EVI5: variants seen among roughly 807,000 people sequenced by gnomAD.
The protein encoded by EVI5 is ecotropic viral integration site 5.
In EVI5, 73 loss-of-function variants were observed where a neutral mutation model predicts 112.0. That is an observed-to-expected ratio of 0.65 (90% CI 0.54 to 0.79). The LOEUF is 0.79. EVI5 is among the 30% of genes least tolerant of loss of function. EVI5 has a pLI of 0.00. For synonymous variants in EVI5, 305 were observed against 319.9 expected (o/e 0.95, Z 0.50); for missense variants, 900 against 968.8 (o/e 0.93, Z 0.94).
chr1:92,522,416 T>C (rs1057503220), intron 19 of EVI5, among the ~76,000 whole-genome samples: 6 of 151,840 alleles, frequency 4.0e-5, no homozygotes, highest in Non-Finnish European at 7.4e-5. Context: ...GGCAGAAGGA[T>C]CACAAGGTCA....
intron 16 of EVI5, among the ~76,000 whole-genome samples, chr1:92,618,470 T>C (rs1653737754): frequency 6.6e-6 from 1 of 152,162 alleles, no homozygotes; most frequent in African/African-American, 2.4e-5. Context: ...ACTATCAAGA[T>C]GAAATCAGTC....
At chr1:92,526,572 C>T (rs1017283971) in intron 19 of EVI5, among the ~76,000 whole-genome samples, 5 of 152,086 alleles carry the variant, frequency 3.3e-5, no homozygotes, top group African/African-American at 1.2e-4. Flanking sequence ...ACCTTAAATG[C>T]ATATTGCAAA....
At chr1:92,641,906 G>T (rs1660052415) in intron 13 of EVI5, among the ~76,000 whole-genome samples, 1 of 152,200 alleles carries the variant, frequency 6.6e-6, no homozygotes, top group Non-Finnish European at 1.5e-5. Flanking sequence ...TTAGGAGGCT[G>T]AGGCGGGTGG....
intron 19 of EVI5, among the ~76,000 whole-genome samples, chr1:92,522,479 T>C (rs899218311): frequency 1.3e-5 from 2 of 151,518 alleles, no homozygotes; most frequent in Non-Finnish European, 2.9e-5. Context: ...CTACTAAAAA[T>C]ACAAAAATCA....
chr1:92,635,480 G>C (rs1169373793), intron 14 of EVI5, among the ~76,000 whole-genome samples: 2 of 152,208 alleles, frequency 1.3e-5, no homozygotes, highest in African/African-American at 4.8e-5. Flanking sequence ...CTCCGAGCCA[G>C]GCACAGGACA....
chr1:92,691,662 G>A (rs1007314691), intron 9 of EVI5, among the ~76,000 whole-genome samples: 4 of 152,074 alleles, frequency 2.6e-5, no homozygotes, highest in African/African-American at 4.8e-5. Flanking sequence ...CAGAGAGAGA[G>A]GTTGAAGATA....
intron 19 of EVI5, 80 bp downstream of exon 19, chr1:92,563,562 C>A: frequency 1.5e-6 from 1 of 678,446 alleles, no homozygotes; most frequent in East Asian, 2.7e-5. Context: ...AAGTGTCAGT[C>A]TTATAACCAG....
At chr1:92,542,760 T>G (rs1665038233) in intron 19 of EVI5, among the ~76,000 whole-genome samples, 1 of 152,212 alleles carries the variant, frequency 6.6e-6, no homozygotes, top group Admixed American at 6.5e-5. Flanking sequence ...AATGTTTCGT[T>G]AGCAGCATGA....
intron 18 of EVI5, among the ~76,000 whole-genome samples, chr1:92,595,480 G>A (rs936097615): frequency 2.9e-4 from 44 of 152,092 alleles, no homozygotes; most frequent in African/African-American, 1.1e-3. Flanking sequence ...ACGAGTTAAT[G>A]GGTGCAGCAC....
At chr1:92,593,204 T>C (rs1674295731) in intron 18 of EVI5, among the ~76,000 whole-genome samples, 1 of 152,106 alleles carries the variant, frequency 6.6e-6, no homozygotes, top group Non-Finnish European at 1.5e-5. Flanking sequence ...CAGCAGCACA[T>C]CAAAAAGCTT....
rs75122156 is a variant in EVI5, at chr1:92,711,158, A to C, written c.150-6414T>G. Among the ~76,000 whole-genome samples the C allele has an allele frequency of 8.7e-3, 1,328 of 152,286 alleles. 8 individuals are homozygous for C. Among genetic ancestry groups the C allele is most frequent in the Non-Finnish European group, 0.015 (994 of 68,014 alleles). On this transcript the variant is annotated intron_variant, in intron 2 of 19. Coordinates refer to ENST00000684568, the MANE Select transcript of EVI5 (RefSeq NM_001350197.2). ...TTGAAAATACAAGGGAGGAAAGGGA[A>C]AAGAATGAGTTCTCTTTTGAGTATT... is the stretch of plus-strand genomic sequence containing the variant.
chr1:92,788,342 C>T (rs992357024), upstream of EVI5, among the ~76,000 whole-genome samples: 1 of 151,440 alleles, frequency 6.6e-6, no homozygotes, highest in Non-Finnish European at 1.5e-5. Flanking sequence ...GGCATGGTGG[C>T]GTGTGCCTGT....
intron 1 of EVI5, among the ~76,000 whole-genome samples, chr1:92,765,046 G>A (rs74763334): frequency 1.7e-3 from 261 of 152,102 alleles, no homozygotes; most frequent in Middle Eastern, 0.01. Context: ...AGTTTTATGA[G>A]GCGGACAATA....
Position 92,513,543 on chromosome 1 carries a change from ATATATATATATATATATATATATG to A in EVI5, c.*89_*112del, listed in dbSNP as rs1173388768. Reference sequence around the variant, plus strand: ...TATATATATATATATATATATATATATATATATATATATATATATATATGTACATATGAAACAAATTATTTCCAA... The same window carrying A: ...TATATATATATATATATATATATATATACATATGAAACAAATTATTTCCAA... On this transcript the variant is annotated 3_prime_UTR_variant, in exon 20 of 20. Transcript: ENST00000684568. The A allele has an allele frequency of 0.15, 2,714 of 18,124 alleles. 157 individuals carry two copies. The highest frequency in any genetic ancestry group is 0.44 in the African/African-American group (2,344 of 5,344). The allele number at this position is 18,124 out of a possible 1,614,324, so 1.1% of individuals were successfully genotyped here.
At chr1:92,514,828 G>C (rs1055790083) in intron 19 of EVI5, among the ~76,000 whole-genome samples, 1 of 152,156 alleles carries the variant, frequency 6.6e-6, no homozygotes, top group Non-Finnish European at 1.5e-5. Flanking sequence ...ACACTATCTT[G>C]AGAGAATGTC....
chr1:92,530,561 C>A (rs894338493), intron 19 of EVI5, among the ~76,000 whole-genome samples: 6 of 152,012 alleles, frequency 3.9e-5, no homozygotes, highest in Non-Finnish European at 5.9e-5. Context: ...CTGGCAGGTG[C>A]CCCTCTGGGA....
Position 92,695,180 on chromosome 1 carries a change from G to T in EVI5, c.909+130C>A, listed in dbSNP as rs139373622. ...GATAGGGTTATTATAAGGTTTAAAT[G>T]AGATTATCCATGTAAGCAGTTTTGC... On this transcript the variant is annotated intron_variant, in intron 7 of 19. Coordinates refer to ENST00000684568, the MANE Select transcript of EVI5 (RefSeq NM_001350197.2). The T allele has an allele frequency of 9.7e-5, 65 of 671,046 alleles. No individual in the cohort carries two copies. In the African/African-American group the frequency reaches 9.8e-4, roughly 10 times the overall value. 41.6% of individuals were successfully genotyped at this position (671,046 alleles called of 1,614,324 possible).
intron 19 of EVI5, among the ~76,000 whole-genome samples, chr1:92,552,227 T>G (rs1667056451): frequency 6.6e-6 from 1 of 151,574 alleles, no homozygotes; most frequent in African/African-American, 2.4e-5. Flanking sequence ...AATTCATGAG[T>G]TCAGACTACT....
chr1:92,564,196 T>G (rs763463733), intron 18 of EVI5, among the ~76,000 whole-genome samples: 1 of 152,124 alleles, frequency 6.6e-6, no homozygotes, highest in Non-Finnish European at 1.5e-5. Flanking sequence ...ATAAAGGTTG[T>G]TTATAATAAA....
Sources: gnomAD v4.1 joint callset for allele counts (sites outside exome capture counted in the v4.1 genomes callset) on GRCh38, gnomAD v4.1.1 for gene constraint, MANE v1.5 for transcripts, NCBI Gene and HGNC (gene_info 2026-07-23, HGNC 2026-07-21) for gene names.